SGCD: variants seen among roughly 807,000 people sequenced by gnomAD.
SGCD encodes the protein sarcoglycan delta.
In SGCD, 18 loss-of-function variants were observed where a neutral mutation model predicts 36.6. The ratio of observed to expected loss-of-function variants is 0.49; its 90% CI spans 0.34 to 0.73. The LOEUF is 0.73. Among genes scored for constraint, SGCD ranks in the 30% least tolerant of loss-of-function variants. The pLI is 0.01. For synonymous variants in SGCD, 133 were observed against 130.6 expected (o/e 1.02, Z -0.12); for missense variants, 387 against 346.7 (o/e 1.12, Z -0.92).
chr5:155,818,412 A>G, the SGCD span, among the ~76,000 whole-genome samples: 1 of 152,188 alleles, frequency 6.6e-6, no homozygotes, highest in African/African-American at 2.4e-5. Context: ...TTGGCTGGAC[A>G]TGCCTCAGGT....
chr5:156,559,411 G>A (rs1759182547), intron 4 of SGCD, among the ~76,000 whole-genome samples: 1 of 152,180 alleles, frequency 6.6e-6, no homozygotes, highest in Admixed American at 6.6e-5. Flanking sequence ...TTGCGAAGTA[G>A]AACTTGGGTT....
chr5:156,136,046 G>A (rs1057455570), intron 3 of SGCD, among the ~76,000 whole-genome samples: 1 of 152,132 alleles, frequency 6.6e-6, no homozygotes, highest in African/African-American at 2.4e-5. Flanking sequence ...AATACAGTCT[G>A]TTTATCTAGT....
intron 4 of SGCD, among the ~76,000 whole-genome samples, chr5:156,546,059 A>G (rs367599358): frequency 5.4e-4 from 82 of 152,198 alleles, no homozygotes; most frequent in African/African-American, 1.9e-3. Context: ...ACACATTTGG[A>G]AAACACAGCA....
intron 3 of SGCD, among the ~76,000 whole-genome samples, chr5:156,351,416 A>G (rs549665943): frequency 5.3e-5 from 8 of 152,202 alleles, no homozygotes; most frequent in African/African-American, 1.9e-4. Context: ...CTAAGTAAAA[A>G]TCTGGATTCT....
intron 3 of SGCD, among the ~76,000 whole-genome samples, chr5:156,309,850 CT>C (rs1162642379): frequency 2.0e-5 from 3 of 151,424 alleles, no homozygotes; most frequent in Non-Finnish European, 2.9e-5. Context: ...GCCATCAGGT[CT>C]TTTTTTTAGT....
chr5:155,883,400 T>C (rs763827455), intron 1 of SGCD, among the ~76,000 whole-genome samples: 1 of 152,230 alleles, frequency 6.6e-6, no homozygotes, highest in Non-Finnish European at 1.5e-5. Context: ...TTTCTGGCTT[T>C]TGATTTAATG....
At chr5:156,688,641 A>C (rs1228820502) in intron 7 of SGCD, among the ~76,000 whole-genome samples, 2 of 152,222 alleles carry the variant, frequency 1.3e-5, no homozygotes, top group Non-Finnish European at 2.9e-5. Flanking sequence ...CACAGTGAAG[A>C]AACTCTGGTT....
At chr5:156,423,388 A>T (rs1276393470) in intron 3 of SGCD, among the ~76,000 whole-genome samples, 8 of 85,284 alleles carry the variant, frequency 9.4e-5, no homozygotes, top group African/African-American at 2.1e-4. Flanking sequence ...ATAATATAAT[A>T]TATTATATTT....
At chr5:156,091,827 T>G (rs976144707) in intron 1 of SGCD, among the ~76,000 whole-genome samples, 1 of 152,224 alleles carries the variant, frequency 6.6e-6, no homozygotes, top group African/African-American at 2.4e-5. Flanking sequence ...CAGTGACCAA[T>G]TGTCCCAGGC....
intron 3 of SGCD, among the ~76,000 whole-genome samples, chr5:156,132,446 AACTTACCAAGTCTTTTTTTTTTTTTT>A (rs1762346812): frequency 1.4e-5 from 2 of 139,952 alleles, no homozygotes; most frequent in African/African-American, 5.5e-5. Context: ...AACTGTGGCT[AACTTACCAAGTCTTTTTTTTTTTTTT>A]TTTTTTTTTT....
intron 3 of SGCD, among the ~76,000 whole-genome samples, chr5:156,440,402 A>T (rs988527201): frequency 2.0e-5 from 3 of 152,114 alleles, no homozygotes; most frequent in African/African-American, 7.2e-5. Context: ...CTTTTTAGCT[A>T]TTATAAATAA....
the SGCD span, among the ~76,000 whole-genome samples, chr5:155,818,998 T>C: frequency 6.6e-6 from 1 of 152,060 alleles, no homozygotes; most frequent in African/African-American, 2.4e-5. Flanking sequence ...GAGTAACATA[T>C]GAGAAAGAGT....
At chr5:156,549,628 A>T (rs559924849) in intron 4 of SGCD, among the ~76,000 whole-genome samples, 2 of 152,358 alleles carry the variant, frequency 1.3e-5, no homozygotes, top group South Asian at 2.1e-4. Flanking sequence ...GGCCACATTC[A>T]TGGCATTTGC....
intron 1 of SGCD, among the ~76,000 whole-genome samples, chr5:155,902,039 A>G (rs1037139145): frequency 2.6e-5 from 4 of 152,202 alleles, no homozygotes; most frequent in African/African-American, 9.6e-5. Flanking sequence ...TAAAGATTTA[A>G]CCAACTTGAA....
intron 6 of SGCD, among the ~76,000 whole-genome samples, chr5:156,606,590 A>C (rs1581243957): frequency 6.6e-6 from 1 of 152,176 alleles, no homozygotes; most frequent in African/African-American, 2.4e-5. Context: ...GAAGAAAGTC[A>C]TTGGTAGCAT....
At chr5:156,398,440 T>C (rs1318237584) in intron 3 of SGCD, among the ~76,000 whole-genome samples, 1 of 152,182 alleles carries the variant, frequency 6.6e-6, no homozygotes, top group Non-Finnish European at 1.5e-5. Context: ...AGCTCTAGTA[T>C]TTTATTACTA....
chr5:155,978,842 G>C (rs1006760657), intron 1 of SGCD, among the ~76,000 whole-genome samples: 1 of 151,886 alleles, frequency 6.6e-6, no homozygotes, highest in East Asian at 1.9e-4. Flanking sequence ...AAAAAAAAGA[G>C]TTAAGGTGGA....
intron 1 of SGCD, among the ~76,000 whole-genome samples, chr5:156,005,966 C>CT (rs779394704): frequency 2.4e-4 from 36 of 152,216 alleles, no homozygotes; most frequent in Middle Eastern, 3.4e-3. Flanking sequence ...CAGTTTCCCC[C>CT]TTTTTTGTGG....
chr5:155,944,533 A>G (rs1263483523), intron 1 of SGCD, among the ~76,000 whole-genome samples: 4 of 152,214 alleles, frequency 2.6e-5, no homozygotes, highest in South Asian at 2.1e-4. Flanking sequence ...CATCAAAAGT[A>G]TAGAGTTGAG....
Sources: allele counts gnomAD v4.1 joint callset (sites outside exome capture counted in the v4.1 genomes callset), GRCh38; gene constraint gnomAD v4.1.1; transcripts MANE v1.5; gene names NCBI Gene and HGNC (gene_info 2026-07-23, HGNC 2026-07-21).